Variants in LOC128462377 observed in about 807,000 individuals in gnomAD.
At chr16:89,337,456 T>TTTTTTTTTTG in the LOC128462377 span, among the ~76,000 whole-genome samples, 2 of 142,098 alleles carry the variant, frequency 1.4e-5, no homozygotes, top group East Asian at 2.1e-4. Context: ...TTTTTTTTTT[T>TTTTTTTTTTG]GAGACAGTCT....
chr16:89,394,907 T>C, the LOC128462377 span, among the ~76,000 whole-genome samples: 3 of 152,186 alleles, frequency 2.0e-5, no homozygotes, highest in East Asian at 5.8e-4. Flanking sequence ...TAAAGCTTTG[T>C]TTGCAGCCAA....
chr16:89,374,686 G>C, the LOC128462377 span, among the ~76,000 whole-genome samples: 264 of 152,294 alleles, frequency 1.7e-3, 11 homozygotes, highest in Admixed American at 0.017. Flanking sequence ...AGAGCATCGG[G>C]AAAAGCACTT....
At chr16:89,324,286 G>C in the LOC128462377 span, 10 of 1,256,452 alleles carry the variant, frequency 8.0e-6, no homozygotes, top group East Asian at 5.1e-4. Context: ...CCGTGCTCCG[G>C]AACACGGACC....
chr16:89,413,493 C>T, the LOC128462377 span, among the ~76,000 whole-genome samples: 1 of 152,056 alleles, frequency 6.6e-6, no homozygotes, highest in Admixed American at 6.6e-5. Flanking sequence ...GGCGTGGTGG[C>T]GGGCACCTAT....
chr16:89,374,097 A>C, the LOC128462377 span, among the ~76,000 whole-genome samples: 4 of 152,214 alleles, frequency 2.6e-5, no homozygotes, highest in African/African-American at 4.8e-5. Context: ...CGAGACAAAA[A>C]TGATCAATAG....
At chr16:89,397,686 G>C in the LOC128462377 span, among the ~76,000 whole-genome samples, 1 of 152,252 alleles carries the variant, frequency 6.6e-6, no homozygotes, top group African/African-American at 2.4e-5. Context: ...GTGTGCTTTT[G>C]TGGATGCTGA....
the LOC128462377 span, among the ~76,000 whole-genome samples, chr16:89,339,479 G>C: frequency 6.9e-6 from 1 of 144,184 alleles, no homozygotes; most frequent in Non-Finnish European, 1.6e-5. Flanking sequence ...CTGAGTGCAC[G>C]CAGCGCATGT....
chr16:89,346,849 A>G, the LOC128462377 span, among the ~76,000 whole-genome samples: 13 of 152,276 alleles, frequency 8.5e-5, no homozygotes, highest in African/African-American at 2.7e-4. Flanking sequence ...ATGTACAAAC[A>G]TAAACGAAAC....
the LOC128462377 span, among the ~76,000 whole-genome samples, chr16:89,337,838 G>A: frequency 2.6e-5 from 4 of 152,188 alleles, no homozygotes; most frequent in Non-Finnish European, 5.9e-5. Context: ...AGTCAGCAAT[G>A]CCTGTTCCTC....
the LOC128462377 span, among the ~76,000 whole-genome samples, chr16:89,319,255 G>C: frequency 1.2e-4 from 19 of 152,342 alleles, no homozygotes; most frequent in East Asian, 3.7e-3. Flanking sequence ...GGCCCCGACA[G>C]TGCGGGGCTT....
the LOC128462377 span, among the ~76,000 whole-genome samples, chr16:89,384,582 G>C: frequency 6.6e-6 from 1 of 152,136 alleles, no homozygotes; most frequent in South Asian, 2.1e-4. Flanking sequence ...GGACGGGACG[G>C]GATGGGGCAG....
At chr16:89,407,680 C>T in the LOC128462377 span, among the ~76,000 whole-genome samples, 2 of 151,856 alleles carry the variant, frequency 1.3e-5, no homozygotes, top group Admixed American at 1.3e-4. Flanking sequence ...CACACACACA[C>T]ACACATAGAC....
At chr16:89,362,896 C>T in the LOC128462377 span, among the ~76,000 whole-genome samples, 1 of 152,006 alleles carries the variant, frequency 6.6e-6, no homozygotes, top group African/African-American at 2.4e-5. Context: ...GCTAGCCAAT[C>T]GGGACAAATA....
At chr16:89,347,282 CTGTA>C in the LOC128462377 span, among the ~76,000 whole-genome samples, 1 of 152,130 alleles carries the variant, frequency 6.6e-6, no homozygotes, top group African/African-American at 2.4e-5. Flanking sequence ...ATGTGTGTAC[CTGTA>C]TGTGTGTACG....
chr16:89,337,300 G>A, the LOC128462377 span, among the ~76,000 whole-genome samples: 1 of 151,848 alleles, frequency 6.6e-6, no homozygotes, highest in Non-Finnish European at 1.5e-5. Flanking sequence ...ACTTCAGGTG[G>A]CTCGGAATCC....
At chr16:89,413,797 ACT>A in the LOC128462377 span, among the ~76,000 whole-genome samples, 2 of 151,866 alleles carry the variant, frequency 1.3e-5, no homozygotes, top group African/African-American at 4.8e-5. Flanking sequence ...TGCCAGGGAG[ACT>A]CTGCACTCCC....
chr16:89,324,423 T>A, the LOC128462377 span: 1 of 483,196 alleles, frequency 2.1e-6, no homozygotes, highest in South Asian at 1.5e-5. Context: ...AAATGCAAAC[T>A]AAAACCAAGG....
chr16:89,369,279 C>T, the LOC128462377 span, among the ~76,000 whole-genome samples: 7 of 152,352 alleles, frequency 4.6e-5, no homozygotes, highest in South Asian at 1.2e-3. Flanking sequence ...GAAATGCCCA[C>T]ACGTCTCCAC....
chr16:89,407,741 T>C, the LOC128462377 span, among the ~76,000 whole-genome samples: 2 of 151,472 alleles, frequency 1.3e-5, no homozygotes, highest in Non-Finnish European at 2.9e-5. Flanking sequence ...TCCCAGCTAC[T>C]TGAGAGGCTG....
Sources: allele counts gnomAD v4.1 joint callset (sites outside exome capture counted in the v4.1 genomes callset), GRCh38; gene constraint gnomAD v4.1.1; transcripts MANE v1.5.